Variants in STAB2 observed in about 807,000 individuals in gnomAD.
STAB2 encodes the protein stabilin-2.
A neutral mutation model predicts 338.1 loss-of-function variants in STAB2; 288 were observed. The observed-to-expected ratio is 0.85, with a 90% CI of 0.77 to 0.94. The LOEUF (loss-of-function observed/expected upper bound fraction) is 0.94, where lower values mean the gene tolerates loss of function less well. STAB2 is among the 40% of genes least tolerant of loss of function. The pLI is 0.00. For synonymous variants in STAB2, 1,202 were observed against 1,193.3 expected (o/e 1.01, Z -0.15); for missense variants, 3,141 against 3,210.1 (o/e 0.98, Z 0.52).
chr12:103,689,595 G>A (rs757325563), intron 28 of STAB2, among the ~76,000 whole-genome samples: 4 of 152,152 alleles, frequency 2.6e-5, no homozygotes, highest in Non-Finnish European at 4.4e-5. Flanking sequence ...AAGTGTAAAG[G>A]ACTTATAATG....
At chr12:103,631,812 G>A in intron 6 of STAB2, 119 bp downstream of exon 6, 3 of 831,638 alleles carry the variant, frequency 3.6e-6, no homozygotes, top group Non-Finnish European at 5.8e-6. Context: ...AAAGTTTTCT[G>A]GAAAGAAACT....
chr12:103,625,807 C>T (rs958699457), intron 5 of STAB2, among the ~76,000 whole-genome samples: 4 of 152,080 alleles, frequency 2.6e-5, no homozygotes, highest in African/African-American at 9.7e-5. Flanking sequence ...TGAATAGTGC[C>T]GCAATAAACA....
intron 9 of STAB2, among the ~76,000 whole-genome samples, chr12:103,643,411 G>A (rs572571514): frequency 9.9e-5 from 15 of 152,108 alleles, no homozygotes; most frequent in African/African-American, 1.7e-4. Flanking sequence ...TGCCATCTCC[G>A]TGCTCCACCC....
At chr12:103,707,834 A>G (rs1879501737) in intron 38 of STAB2, among the ~76,000 whole-genome samples, 1 of 152,232 alleles carries the variant, frequency 6.6e-6, no homozygotes, top group South Asian at 2.1e-4. Context: ...ATTTACTTGG[A>G]ATTACAGTGT....
chr12:103,640,112 G>C lies in STAB2; in HGVS notation c.907-11G>C. 6.3e-7 allele frequency: 1 copy of C among 1,598,106 alleles called. No homozygotes were observed. Among genetic ancestry groups the C allele is most frequent in the Non-Finnish European group, 8.5e-7 (1 of 1,171,198 alleles). The stretch of plus-strand genomic sequence containing the variant: ...GGATCCTATTTGTTTTTCTCTTCCT[G>C]TCTACTGAAGTCTCACTGCGAGTGT... On this transcript the variant is annotated splice_polypyrimidine_tract_variant and intron_variant, in intron 8 of 68. Transcript: ENST00000388887.
chr12:103,723,215 A>C (rs867695856), intron 44 of STAB2, among the ~76,000 whole-genome samples: 2 of 152,210 alleles, frequency 1.3e-5, no homozygotes, highest in Non-Finnish European at 2.9e-5. Context: ...GCTGCTGATA[A>C]AGACATACTC....
At chr12:103,713,033 C>T (rs1328161808) in intron 41 of STAB2, among the ~76,000 whole-genome samples, 1 of 152,150 alleles carries the variant, frequency 6.6e-6, no homozygotes, top group East Asian at 1.9e-4. Flanking sequence ...CTTAGACTCC[C>T]CAGGTTTGAA....
rs187257093 is a variant in STAB2, at chr12:103,648,966, A to G, written c.1174+143A>G. 4.0e-5 allele frequency: 44 copies of G among 1,100,584 alleles called. No individual in the cohort carries two copies. The East Asian group carries it at 9.0e-4, about 23-fold the overall frequency. The allele number at this position is 1,100,584 out of a possible 1,614,324, so 68.2% of individuals were successfully genotyped here. On this transcript the variant is annotated intron_variant, in intron 10 of 68. Coordinates refer to ENST00000388887, the MANE Select transcript of STAB2 (RefSeq NM_017564.10). ...TGGAGGGGTCATGCAGGTGAGAGGG[A>G]AAGGGCAGGCAGCTGTTTCAAAGAA... is the stretch of plus-strand genomic sequence containing the variant.
intron 2 of STAB2, among the ~76,000 whole-genome samples, chr12:103,594,077 C>T (rs1956839049): frequency 6.6e-6 from 1 of 152,176 alleles, no homozygotes; most frequent in Non-Finnish European, 1.5e-5. Context: ...TGCTAGGATA[C>T]TCAGTGATAA....
At position 103,688,840 on chromosome 12, in the gene STAB2, G is replaced by A. The variant is rs142873136; in HGVS notation, c.3045+625G>A. Among the ~76,000 whole-genome samples, 40 of 152,312 alleles carry A rather than the reference G, an allele frequency of 2.6e-4. No individual in the cohort carries two copies. The East Asian group carries it at 6.9e-3, about 26-fold the overall frequency. On this transcript the variant is annotated intron_variant, in intron 28 of 68. Transcript: ENST00000388887. The stretch of plus-strand genomic sequence containing the variant: ...ATTCTTGGTCTCACCCCACAGGCAT[G>A]AGCTGGCCCAGTGGTGTGCTGAACC...
At chr12:103,618,067 C>G (rs1957238586) in intron 3 of STAB2, among the ~76,000 whole-genome samples, 1 of 152,216 alleles carries the variant, frequency 6.6e-6, no homozygotes, top group Non-Finnish European at 1.5e-5. Flanking sequence ...CCCAGGGTCT[C>G]TTTCAGAGAG....
At chr12:103,746,830 T>A (rs1046871115) in intron 58 of STAB2, 126 bp downstream of exon 58, 12 of 808,012 alleles carry the variant, frequency 1.5e-5, no homozygotes, top group Non-Finnish European at 2.3e-5. Flanking sequence ...GCACCTACCC[T>A]CTCTATGACT....
intron 51 of STAB2, 42 bp downstream of exon 51, chr12:103,733,224 G>T (rs369629127): frequency 1.9e-6 from 3 of 1,598,530 alleles, no homozygotes; most frequent in African/African-American, 2.7e-5. Flanking sequence ...GAATGTCCCA[G>T]GGTGGTGATA....
intron 1 of STAB2, among the ~76,000 whole-genome samples, chr12:103,588,524 C>T (rs550386759): frequency 2.0e-5 from 3 of 152,148 alleles, no homozygotes; most frequent in Admixed American, 1.3e-4. Context: ...TCATCATCAT[C>T]ATTATCACCA....
At chr12:103,707,067 G>T (rs144188932) in intron 38 of STAB2, 80 bp downstream of exon 38, 2 of 1,498,728 alleles carry the variant, frequency 1.3e-6, no homozygotes, top group Admixed American at 1.9e-5. Flanking sequence ...GATCCCACAC[G>T]TGCTCTCTAG....
intron 9 of STAB2, among the ~76,000 whole-genome samples, chr12:103,648,257 G>C (rs1873475298): frequency 6.6e-6 from 1 of 152,202 alleles, no homozygotes; most frequent in Non-Finnish European, 1.5e-5. Context: ...GAAGGAGCAG[G>C]GGTGGGGGAA....
At chr12:103,700,347 T>A (rs1164305603) in intron 34 of STAB2, among the ~76,000 whole-genome samples, 3 of 152,210 alleles carry the variant, frequency 2.0e-5, no homozygotes, top group Non-Finnish European at 4.4e-5. Context: ...ACAGAACTTT[T>A]TAAGCGACAA....
intron 64 of STAB2, 112 bp downstream of exon 64, chr12:103,758,401 A>C: frequency 1.1e-4 from 161 of 1,523,396 alleles, no homozygotes; most frequent in Non-Finnish European, 1.3e-4. Context: ...TATTTAGCTC[A>C]CAGATCATCT....
At chr12:103,707,085 G>A (rs1404417179) in intron 38 of STAB2, 98 bp downstream of exon 38, 16 of 1,373,506 alleles carry the variant, frequency 1.2e-5, no homozygotes, top group East Asian at 2.5e-5. Context: ...TAGCTGGCCT[G>A]TCGCCCCAAG....
Sources: allele counts gnomAD v4.1 joint callset (sites outside exome capture counted in the v4.1 genomes callset), GRCh38; gene constraint gnomAD v4.1.1; transcripts MANE v1.5; gene names NCBI Gene and HGNC (gene_info 2026-07-23, HGNC 2026-07-21).